PEAK1: variants seen among roughly 807,000 people sequenced by gnomAD.
PEAK1 encodes pseudopodium enriched atypical kinase 1.
Under a neutral mutation model 124.7 loss-of-function variants are expected in PEAK1, and 54 were observed. The observed-to-expected ratio is 0.43, with a 90% confidence interval of 0.35 to 0.54. The LOEUF is 0.54. PEAK1 is among the 20% of genes least tolerant of loss of function. The pLI, the probability that PEAK1 is intolerant of heterozygous loss-of-function variation, is 0.01. For synonymous variants in PEAK1, 719 were observed against 760.0 expected (o/e 0.95, Z 0.89); for missense variants, 2,046 against 2,134.5 (o/e 0.96, Z 0.82).
At chr15:77,314,211 T>C (rs1176404110) in intron 2 of PEAK1, among the ~76,000 whole-genome samples, 1 of 152,030 alleles carries the variant, frequency 6.6e-6, no homozygotes, top group East Asian at 1.9e-4. Flanking sequence ...CTTATTTTGA[T>C]AAAATGTAAA....
intron 5 of PEAK1, among the ~76,000 whole-genome samples, chr15:77,282,683 T>C (rs1373830646): frequency 6.6e-6 from 1 of 152,184 alleles, no homozygotes; most frequent in Non-Finnish European, 1.5e-5. Flanking sequence ...ATGTCATAAC[T>C]TTTTTATGAA....
At chr15:77,371,420 A>C (rs897819099) in intron 1 of PEAK1, 1 of 975,542 alleles carries the variant, frequency 1.0e-6, no homozygotes, top group East Asian at 1.1e-4. Flanking sequence ...AACTTAAAAC[A>C]ATTATTTCAA....
rs78191580 is a variant in PEAK1, at chr15:77,392,662, C to T, written c.-666+27344G>A. 7.4e-3 allele frequency among the ~76,000 whole-genome samples: 1,121 copies of T among 152,200 alleles called. 15 individuals carry two copies. The highest frequency in any genetic ancestry group is 0.025 in the African/African-American group (1,049 of 41,514). ...AACACAGGTTTTCTACCCTCATGGA[C>T]GGTCTTCTTTACTGCTCTCATTCAT... On this transcript the variant is annotated intron_variant, in intron 1 of 9. Coordinates refer to ENST00000682557, the MANE Select transcript of PEAK1 (RefSeq NM_001385026.1).
At chr15:77,203,214 G>A (rs556605934) in intron 6 of PEAK1, among the ~76,000 whole-genome samples, 1 of 152,082 alleles carries the variant, frequency 6.6e-6, no homozygotes, top group East Asian at 1.9e-4. Flanking sequence ...AGAGGAGGTG[G>A]AAGGGGACGT....
intron 2 of PEAK1, among the ~76,000 whole-genome samples, chr15:77,351,475 T>C (rs907296547): frequency 6.6e-6 from 1 of 152,122 alleles, no homozygotes; most frequent in African/African-American, 2.4e-5. Context: ...CTCCATAGGG[T>C]ATATGCCGTA....
intron 6 of PEAK1, among the ~76,000 whole-genome samples, chr15:77,238,867 G>C (rs2060237681): frequency 6.6e-6 from 1 of 152,148 alleles, no homozygotes; most frequent in African/African-American, 2.4e-5. Flanking sequence ...CCTTGTCCAG[G>C]AGGCTAGACA....
chr15:77,194,378 ATACATT>A (rs1384178367), intron 6 of PEAK1, among the ~76,000 whole-genome samples: 3 of 152,156 alleles, frequency 2.0e-5, no homozygotes, highest in Non-Finnish European at 4.4e-5. Flanking sequence ...TGCATATATA[ATACATT>A]TAAACTCCTT....
intron 6 of PEAK1, among the ~76,000 whole-genome samples, chr15:77,226,046 T>TGG (rs2059634109): frequency 3.5e-5 from 1 of 28,770 alleles, no homozygotes; most frequent in African/African-American, 1.6e-4. Context: ...AATAAAGGGA[T>TGG]ATATATATAT....
intron 2 of PEAK1, chr15:77,335,684 C>A (rs550288621): frequency 3.8e-6 from 3 of 788,390 alleles, no homozygotes; most frequent in Admixed American, 1.2e-4. Context: ...CTTGCCCAGG[C>A]TGACCCATGT....
intron 7 of PEAK1, among the ~76,000 whole-genome samples, chr15:77,166,377 T>C (rs187216311): frequency 2.0e-5 from 3 of 152,386 alleles, no homozygotes; most frequent in Non-Finnish European, 4.4e-5. Flanking sequence ...GTGCCTGTTT[T>C]AAGCCATGCT....
Position 77,181,805 on chromosome 15 carries a change from C to T in PEAK1, c.122G>A (p.Gly41Asp), listed in dbSNP as rs191361656. Residue 41 changes from glycine (G) to aspartate (D), a missense_variant, in exon 7 of 10, where the codon GGC (glycine) becomes GAC (aspartate). Gly to Asp is a moderately conservative substitution (Grantham distance 94). Coordinates refer to ENST00000682557, the MANE Select transcript of PEAK1 (RefSeq NM_001385026.1). ...PDPEKAPITH[G>D]NVKTNANHSN... The stretch of plus-strand genomic sequence containing the variant: ...GTGATTGGCATTAGTTTTCACATTG[C>T]CATGGGTGATGGGTGCCTTCTCAGG... 6 of 1,614,046 alleles carry T rather than the reference C, an allele frequency of 3.7e-6. No individual in the cohort carries two copies. The East Asian group carries it at 1.1e-4, about 30-fold the overall frequency.
chr15:77,415,406 A>G (rs2072792953), intron 1 of PEAK1, among the ~76,000 whole-genome samples: 1 of 152,030 alleles, frequency 6.6e-6, no homozygotes, highest in African/African-American at 2.4e-5. Flanking sequence ...GGGTGGATTA[A>G]TTTTACCTGG....
At chr15:77,262,575 T>C (rs552797684) in intron 5 of PEAK1, among the ~76,000 whole-genome samples, 2 of 151,840 alleles carry the variant, frequency 1.3e-5, no homozygotes, top group African/African-American at 2.4e-5. Context: ...TAAATATATA[T>C]GCACCCAATA....
rs114687905 is a variant in PEAK1, at chr15:77,384,436, T to C, written c.-665-19211A>G. The stretch of plus-strand genomic sequence containing the variant: ...GAGTAGTTCCTCCCCTGAATGGTAT[T>C]GCACTTTCCATTTATCATTTTTAAA... On this transcript the variant is annotated intron_variant, in intron 1 of 9. Coordinates refer to ENST00000682557, the MANE Select transcript of PEAK1 (RefSeq NM_001385026.1). 3.8e-3 allele frequency among the ~76,000 whole-genome samples: 584 copies of C among 152,362 alleles called. 6 individuals are homozygous for C. The highest frequency in any genetic ancestry group is 0.013 in the African/African-American group (532 of 41,598).
At chr15:77,132,471 G>A (rs2052948981) in intron 9 of PEAK1, among the ~76,000 whole-genome samples, 3 of 152,096 alleles carry the variant, frequency 2.0e-5, no homozygotes, top group South Asian at 4.1e-4. Flanking sequence ...AAGGCGGGAG[G>A]ATCACCTGAG....
chr15:77,109,807 G>C lies in PEAK1; in HGVS notation c.*4349C>G, dbSNP rs1306946306. On this transcript the variant is annotated 3_prime_UTR_variant, in exon 10 of 10. Coordinates refer to ENST00000682557, the MANE Select transcript of PEAK1 (RefSeq NM_001385026.1). ...AGTGAGGAGAATGAAAAACATGCCA[G>C]GGTTGGCCCAGCAAGTCCAGTTTGT... The C allele has an allele frequency of 6.6e-6, 1 of 152,192 alleles. No homozygotes were observed. Among genetic ancestry groups the C allele is most frequent in the African/African-American group, 2.4e-5 (1 of 41,438 alleles). 9.4% of individuals were successfully genotyped at this position (152,192 alleles called of 1,614,324 possible). A position where few individuals can be genotyped will look rare whatever the true frequency, so the allele number is the denominator to read the frequency against.
intron 6 of PEAK1, among the ~76,000 whole-genome samples, chr15:77,209,283 A>G (rs775476148): frequency 2.6e-5 from 4 of 152,212 alleles, no homozygotes; most frequent in Non-Finnish European, 5.9e-5. Context: ...AAACACTAGC[A>G]AACGGAGATT....
chr15:77,152,250 A>G (rs1170729196), intron 8 of PEAK1, among the ~76,000 whole-genome samples: 1 of 152,128 alleles, frequency 6.6e-6, no homozygotes, highest in East Asian at 1.9e-4. Flanking sequence ...CTTTGAAGCA[A>G]TTGTGAATGG....
chr15:77,295,901 A>C (rs1271293388), intron 2 of PEAK1, among the ~76,000 whole-genome samples: 2 of 152,188 alleles, frequency 1.3e-5, no homozygotes, highest in Non-Finnish European at 2.9e-5. Context: ...TCAACAGTGA[A>C]TATTTCTTCT....
Sources: gnomAD v4.1 joint callset for allele counts (sites outside exome capture counted in the v4.1 genomes callset) on GRCh38, gnomAD v4.1.1 for gene constraint, MANE v1.5 for transcripts, NCBI Gene and HGNC (gene_info 2026-07-23, HGNC 2026-07-21) for gene names.